ZNF236: variants seen among roughly 807,000 people sequenced by gnomAD.
The protein encoded by ZNF236 is regulated by glucose.
A neutral mutation model predicts 191.2 loss-of-function variants in ZNF236; 50 were observed. The ratio of observed to expected loss-of-function variants is 0.26; its 90% confidence interval spans 0.21 to 0.33. The LOEUF (loss-of-function observed/expected upper bound fraction) is 0.33. Among genes scored for constraint, ZNF236 ranks in the 10% least tolerant of loss-of-function variants. ZNF236 has a pLI of 1.00. For missense variants in ZNF236, 1,754 were observed against 2,374.5 expected (o/e 0.74, Z 5.43); for synonymous variants, 907 against 928.8 (o/e 0.98, Z 0.43).
chr18:76,949,966 T>TACG (rs1968363699), intron 27 of ZNF236, among the ~76,000 whole-genome samples: 1 of 214 alleles, frequency 4.7e-3, no homozygotes, highest in Non-Finnish European at 0.5. Flanking sequence ...CAGCATTACG[T>TACG]TTTTTTTTTA....
At chr18:76,908,615 A>T in intron 14 of ZNF236, 42 bp downstream of exon 14, 1 of 1,563,592 alleles carries the variant, frequency 6.4e-7, no homozygotes. Flanking sequence ...ATCCCAGCAG[A>T]GTTTTGCAGC....
At chr18:76,823,853 G>A (rs1245197605) in intron 1 of ZNF236, among the ~76,000 whole-genome samples, 1 of 152,180 alleles carries the variant, frequency 6.6e-6, no homozygotes, top group African/African-American at 2.4e-5. Flanking sequence ...TTTTTCTCGC[G>A]GGCGCCGTGG....
chr18:76,946,945 G>C (rs778194398), intron 26 of ZNF236, among the ~76,000 whole-genome samples: 15 of 152,138 alleles, frequency 9.9e-5, no homozygotes, highest in Non-Finnish European at 2.1e-4. Context: ...TATTTACAGA[G>C]TTGTACAACC....
At chr18:76,900,169 T>C (rs542675448) in intron 11 of ZNF236, among the ~76,000 whole-genome samples, 10 of 152,328 alleles carry the variant, frequency 6.6e-5, no homozygotes, top group Non-Finnish European at 1.5e-4. Context: ...GCATAACCTT[T>C]ATTTACAATA....
chr18:76,850,812 A>C (rs1241921653), intron 2 of ZNF236, among the ~76,000 whole-genome samples: 2 of 151,924 alleles, frequency 1.3e-5, no homozygotes, highest in African/African-American at 4.8e-5. Flanking sequence ...CATGTTGGCC[A>C]GGCTGGTCTC....
chr18:76,904,228 C>G, intron 11 of ZNF236, 152 bp from the exon 12 acceptor site: 1 of 445,796 alleles, frequency 2.2e-6, no homozygotes, highest in Middle Eastern at 4.9e-4. Context: ...TTTGAATAGC[C>G]AGTTCCTAAC....
At chr18:76,942,679 C>T (rs992441697) in intron 26 of ZNF236, among the ~76,000 whole-genome samples, 2 of 150,410 alleles carry the variant, frequency 1.3e-5, no homozygotes, top group African/African-American at 2.4e-5. Flanking sequence ...GCCCGGCTAC[C>T]TTTTTTGTTA....
Position 76,968,957 on chromosome 18 carries a change from G to C in ZNF236, c.*618G>C, listed in dbSNP as rs1170878867. ...ACAAATGTTTAATCATTAGTTACAA[G>C]AATGCAGTATCTGGGGCGTCAACAT... On this transcript the variant is annotated 3_prime_UTR_variant, in exon 31 of 31. Transcript: ENST00000320610. The C allele has an allele frequency of 1.0e-6, 1 of 985,848 alleles. No individual in the cohort carries two copies. The highest frequency in any genetic ancestry group is 1.2e-6 in the Non-Finnish European group (1 of 830,052). The allele number at this position is 985,848 out of a possible 1,614,324, so 61.1% of individuals were successfully genotyped here. A position where few individuals can be genotyped will look rare whatever the true frequency, so the allele number is the denominator to read the frequency against.
rs1351886069 is a variant in ZNF236 at position 76,908,448 on chromosome 18, A to G, written c.2426A>G (p.Gln809Arg). 1 of 1,614,146 alleles carries G rather than the reference A, an allele frequency of 6.2e-7. No homozygotes were observed. Among genetic ancestry groups the G allele is most frequent in the Non-Finnish European group, 8.5e-7 (1 of 1,180,026 alleles). ...QVEIESDELP[Q>R]TAEVVAANPE... ...GAGATCGAGAGCGACGAGCTGCCGC[A>G]GACGGCAGAGGTGGTCGCAGCGAAC... Residue 809 changes from glutamine (Q) to arginine (R), a missense_variant, in exon 14 of 31, where the codon CAG (glutamine) becomes CGG (arginine). By Grantham distance (43) the Gln-to-Arg change is conservative. This residue lies in a region of ZNF236 where 641 missense variants were observed against 869.6 expected (regional missense o/e 0.74). Transcript: ENST00000320610.
intron 13 of ZNF236, among the ~76,000 whole-genome samples, chr18:76,907,206 C>T (rs895120518): frequency 6.6e-5 from 10 of 152,094 alleles, no homozygotes; most frequent in South Asian, 6.2e-4. Flanking sequence ...TATTAGAAAA[C>T]GAAGAGGGAA....
At chr18:76,895,790 A>T (rs1442891823) in intron 10 of ZNF236, among the ~76,000 whole-genome samples, 1 of 150,326 alleles carries the variant, frequency 6.7e-6, no homozygotes, top group Non-Finnish European at 1.5e-5. Context: ...TGCACATAGT[A>T]CCCAGCACAG....
chr18:76,880,165 C>A lies in ZNF236; in HGVS notation c.1037C>A (p.Ser346Ter), dbSNP rs139451924. 6.2e-7 allele frequency: 1 copy of A among 1,614,048 alleles called. No individual in the cohort carries two copies. The highest frequency in any genetic ancestry group is 8.5e-7 in the Non-Finnish European group (1 of 1,180,006). ...PLQQTEAQAT[S>*]ASSQPSSQAV... is the part of the protein sequence containing the mutation. ...CAACAGACGGAAGCCCAAGCCACGT[C>A]GGCCTCAAGCCAGCCGAGCTCCCAG... Residue 346 changes from serine to a stop codon, truncating the protein, a stop_gained, in exon 8 of 31, where the codon TCG becomes TAG. Coordinates refer to ENST00000320610, the MANE Select transcript of ZNF236 (RefSeq NM_001306089.2). LOFTEE classifies it high-confidence loss of function. The surrounding 1 kb of genome is among the most constrained non-coding windows in gnomAD (Gnocchi z 5.0).
intron 3 of ZNF236, among the ~76,000 whole-genome samples, chr18:76,864,381 G>T (rs1226307754): frequency 6.6e-6 from 1 of 151,754 alleles, no homozygotes; most frequent in Non-Finnish European, 1.5e-5. Flanking sequence ...TATATTTTTA[G>T]TAGAGATGGC....
intron 26 of ZNF236, among the ~76,000 whole-genome samples, chr18:76,937,611 A>G (rs919314881): frequency 6.6e-6 from 1 of 152,210 alleles, no homozygotes; most frequent in Non-Finnish European, 1.5e-5. Context: ...TTTAATGTAT[A>G]TATCCTTCTA....
intron 9 of ZNF236, among the ~76,000 whole-genome samples, chr18:76,894,332 A>T (rs549753592): frequency 2.0e-5 from 3 of 152,336 alleles, no homozygotes; most frequent in African/African-American, 7.2e-5. Context: ...ACGCTGCTGC[A>T]TTCACCACTC....
intron 1 of ZNF236, among the ~76,000 whole-genome samples, chr18:76,832,773 G>A (rs910595311): frequency 6.6e-6 from 1 of 151,962 alleles, no homozygotes; most frequent in Non-Finnish European, 1.5e-5. Flanking sequence ...AAAACTTGCT[G>A]GGATCTTGAT....
chr18:76,865,690 C>T (rs1356024402), intron 3 of ZNF236, among the ~76,000 whole-genome samples: 4 of 152,092 alleles, frequency 2.6e-5, no homozygotes, highest in Non-Finnish European at 5.9e-5. Context: ...TGCAGGGTCC[C>T]CTGAAACCTT....
intron 9 of ZNF236, among the ~76,000 whole-genome samples, chr18:76,882,431 A>G (rs561350664): frequency 6.6e-6 from 1 of 152,342 alleles, no homozygotes; most frequent in South Asian, 2.1e-4. Flanking sequence ...GGCCAGGAAT[A>G]CAGCCTTCTC....
At chr18:76,903,187 A>G (rs151139632) in intron 11 of ZNF236, among the ~76,000 whole-genome samples, 6 of 152,364 alleles carry the variant, frequency 3.9e-5, no homozygotes, top group African/African-American at 1.4e-4. Flanking sequence ...TGGGCTGTCA[A>G]ATTCCCTCCA....
Sources: allele counts gnomAD v4.1 joint callset (sites outside exome capture counted in the v4.1 genomes callset), GRCh38; gene constraint gnomAD v4.1.1; regional missense constraint gnomAD v4.1.1; non-coding constraint Gnocchi (gnomAD v3.1); transcripts MANE v1.5; gene names NCBI Gene and HGNC (gene_info 2026-07-23, HGNC 2026-07-21).